MAP7: variants seen among roughly 807,000 people sequenced by gnomAD.
The protein encoded by MAP7 is microtubule associated protein 7, also known as ensconsin.
Under a neutral mutation model 94.8 loss-of-function variants are expected in MAP7, and 52 were observed. That is an observed-to-expected ratio of 0.55 (90% CI 0.44 to 0.69). The LOEUF (loss-of-function observed/expected upper bound fraction) is 0.69, where lower values mean the gene tolerates loss of function less well. Ranked by LOEUF, MAP7 falls within the 30% of genes least tolerant of loss-of-function variation. The pLI, the probability that MAP7 is intolerant of heterozygous loss-of-function variation, is 0.00. For missense variants in MAP7, 940 were observed against 964.6 expected, an observed-to-expected ratio of 0.97 and a Z score of 0.34; for synonymous variants, 350 against 357.0, an observed-to-expected ratio of 0.98 and a Z score of 0.22.
Position 136,359,980 on chromosome 6 carries a change from C to A in MAP7, c.1854+1G>T. 6.2e-7 allele frequency: 1 copy of A among 1,613,382 alleles called. No individual in the cohort carries two copies. The highest frequency in any genetic ancestry group is 8.5e-7 in the Non-Finnish European group (1 of 1,179,750). ...TAGTTAGAAAACGGCCATGTCAATA[C>A]CTTATCTGTAGCTTCTGTTCTCCTG... is the stretch of plus-strand genomic sequence containing the variant. On this transcript the variant is annotated splice_donor_variant, in intron 14 of 17. Transcript: ENST00000354570. LOFTEE classifies it high-confidence loss of function.
At chr6:136,535,714 C>CTT (rs200943172) in intron 1 of MAP7, among the ~76,000 whole-genome samples, 5 of 137,340 alleles carry the variant, frequency 3.6e-5, no homozygotes, top group East Asian at 2.1e-4. Flanking sequence ...CTTTTTTTTT[C>CTT]TTTTTTTTTT....
intron 1 of MAP7, among the ~76,000 whole-genome samples, chr6:136,475,463 G>T (rs1810563725): frequency 6.6e-6 from 1 of 152,006 alleles, no homozygotes; most frequent in African/African-American, 2.4e-5. Context: ...TCTAACAAAG[G>T]CATTTCTACT....
At chr6:136,510,129 G>A (rs1257502836) in intron 1 of MAP7, among the ~76,000 whole-genome samples, 1 of 152,202 alleles carries the variant, frequency 6.6e-6, no homozygotes, top group Non-Finnish European at 1.5e-5. Context: ...TTGAACACAG[G>A]AGGTGGAGGT....
At chr6:136,353,460 T>C (rs1232219526) in intron 16 of MAP7, among the ~76,000 whole-genome samples, 2 of 152,218 alleles carry the variant, frequency 1.3e-5, no homozygotes, top group Non-Finnish European at 2.9e-5. Flanking sequence ...TTATCCCTAA[T>C]GCAAAAGGGA....
At chr6:136,511,783 A>T (rs1427332239) in intron 1 of MAP7, among the ~76,000 whole-genome samples, 3 of 152,256 alleles carry the variant, frequency 2.0e-5, no homozygotes, top group Non-Finnish European at 1.5e-5. Flanking sequence ...TAATATGGTC[A>T]TGATAACTGA....
rs1447968271 is a variant in MAP7 at position 136,550,083 on chromosome 6, G to A, written c.67+259C>T. 4.6e-5 allele frequency among the ~76,000 whole-genome samples: 7 copies of A among 151,624 alleles called. No individual in the cohort carries two copies. On this transcript the variant is annotated intron_variant, in intron 1 of 17. Coordinates refer to ENST00000354570, the MANE Select transcript of MAP7 (RefSeq NM_003980.6). The surrounding 1 kb of genome is among the most constrained non-coding windows in gnomAD (Gnocchi z 5.1). ...CCCCCGGCTCGCCTCCACCTGTTGCGGGAAAGTCGCGGTGGAGCGCCCGAG... is the reference window on the plus strand; with the variant it reads ...CCCCCGGCTCGCCTCCACCTGTTGCAGGAAAGTCGCGGTGGAGCGCCCGAG...
Position 136,535,992 on chromosome 6 carries a change from C to T in MAP7, c.67+14350G>A, listed in dbSNP as rs887852189. Among the ~76,000 whole-genome samples the T allele has an allele frequency of 7.9e-5, 12 of 151,808 alleles. No homozygotes were observed. The South Asian group carries it at 8.4e-4, about 11-fold the overall frequency. ...GTTCCCACCTGTGAGTGAGAACATG[C>T]GGTGTTTGGTTGTTTGTCCTGGCGA... On this transcript the variant is annotated intron_variant, in intron 1 of 17. Coordinates refer to ENST00000354570, the MANE Select transcript of MAP7 (RefSeq NM_003980.6).
intron 1 of MAP7, among the ~76,000 whole-genome samples, chr6:136,452,557 T>A (rs555904206): frequency 7.2e-4 from 110 of 152,168 alleles, no homozygotes; most frequent in South Asian, 5.2e-3. Flanking sequence ...ATTTTTTTTT[T>A]AATTTTTTTT....
At chr6:136,516,101 G>A (rs534919337) in intron 1 of MAP7, among the ~76,000 whole-genome samples, 10 of 151,956 alleles carry the variant, frequency 6.6e-5, no homozygotes, top group Non-Finnish European at 1.5e-4. Context: ...AATTTGCCTG[G>A]AGTAAGAAAG....
intron 1 of MAP7, among the ~76,000 whole-genome samples, chr6:136,442,581 T>A (rs1798196682): frequency 6.6e-6 from 1 of 152,182 alleles, no homozygotes; most frequent in Admixed American, 6.5e-5. Flanking sequence ...CCTGAGGCAT[T>A]AGGCTCAGCT....
intron 1 of MAP7, among the ~76,000 whole-genome samples, chr6:136,463,867 A>T (rs1474095077): frequency 1.3e-5 from 2 of 152,222 alleles, no homozygotes; most frequent in East Asian, 3.8e-4. Context: ...GTACAGAGGC[A>T]ATGTAAGTTT....
chr6:136,476,507 G>T lies in MAP7; in HGVS notation c.68-54708C>A, dbSNP rs138012720. ...CTTCAAACATTTTAACTCATTAATA[G>T]AATTTCAAAAATGAAAGCTTCTTTA... On this transcript the variant is annotated intron_variant, in intron 1 of 17. Transcript: ENST00000354570. Among the ~76,000 whole-genome samples, 475 of 152,102 alleles carry T rather than the reference G, an allele frequency of 3.1e-3. 2 individuals are homozygous for T. Among genetic ancestry groups the T allele is most frequent in the African/African-American group, 0.011 (437 of 41,470 alleles).
chr6:136,409,764 G>T (rs1470352706), intron 3 of MAP7, among the ~76,000 whole-genome samples: 26 of 152,154 alleles, frequency 1.7e-4, no homozygotes, highest in Admixed American at 1.7e-3. Flanking sequence ...TTGTTTATCT[G>T]CCTTTCACTA....
intron 1 of MAP7, among the ~76,000 whole-genome samples, chr6:136,543,723 C>T (rs1435561567): frequency 6.6e-6 from 1 of 152,038 alleles, no homozygotes; most frequent in South Asian, 2.1e-4. Flanking sequence ...AAAGGCAAAA[C>T]TAGGAAGATG....
chr6:136,482,986 T>C (rs952271510), intron 1 of MAP7, among the ~76,000 whole-genome samples: 2 of 152,162 alleles, frequency 1.3e-5, no homozygotes, highest in Non-Finnish European at 2.9e-5. Flanking sequence ...TGTACAAGTT[T>C]TCCACGTCCC....
intron 1 of MAP7, among the ~76,000 whole-genome samples, chr6:136,431,870 C>T (rs1795048010): frequency 6.6e-6 from 1 of 152,130 alleles, no homozygotes; most frequent in South Asian, 2.1e-4. Context: ...ACAGATCTGG[C>T]CAAAACTTTG....
chr6:136,499,052 T>G (rs1267538523), intron 1 of MAP7, among the ~76,000 whole-genome samples: 2 of 152,050 alleles, frequency 1.3e-5, no homozygotes, highest in African/African-American at 4.8e-5. Flanking sequence ...CCCAGGTAGC[T>G]GGGATTACAA....
chr6:136,443,700 T>C (rs1582927889), intron 1 of MAP7, among the ~76,000 whole-genome samples: 3 of 152,264 alleles, frequency 2.0e-5, no homozygotes, highest in Admixed American at 6.5e-5. Flanking sequence ...TGCGCCCACC[T>C]TGGCCTCCCA....
At chr6:136,512,996 T>C (rs1168735331) in intron 1 of MAP7, among the ~76,000 whole-genome samples, 1 of 151,126 alleles carries the variant, frequency 6.6e-6, no homozygotes, top group Non-Finnish European at 1.5e-5. Context: ...CACACCAAGC[T>C]AGGTTTTGTT....
Sources: allele counts gnomAD v4.1 joint callset (sites outside exome capture counted in the v4.1 genomes callset), GRCh38; gene constraint gnomAD v4.1.1; non-coding constraint Gnocchi (gnomAD v3.1); transcripts MANE v1.5; gene names NCBI Gene and HGNC (gene_info 2026-07-23, HGNC 2026-07-21).